The following NEDD4 variants were observed in gnomAD, a reference collection of about 807,000 sequenced individuals.
NEDD4 encodes the protein E3 ubiquitin-protein ligase NEDD4.
In NEDD4, 99 loss-of-function variants were observed where a neutral mutation model predicts 144.9. That is an observed-to-expected ratio of 0.68 (90% CI 0.58 to 0.81). The LOEUF is 0.81. Ranked by LOEUF, NEDD4 falls within the 30% of genes least tolerant of loss-of-function variation. NEDD4 has a pLI of 0.00. For synonymous variants in NEDD4, 318 were observed against 350.6 expected (o/e 0.91, Z 1.04); for missense variants, 985 against 1,065.9 (o/e 0.92, Z 1.06).
chr15:55,928,858 G>A (rs1321458643), intron 4 of NEDD4, among the ~76,000 whole-genome samples: 1 of 152,072 alleles, frequency 6.6e-6, no homozygotes, highest in Non-Finnish European at 1.5e-5. Flanking sequence ...TTGTATTTCA[G>A]AAGCATATAA....
chr15:55,862,072 A>G (rs1489095175), intron 9 of NEDD4, among the ~76,000 whole-genome samples: 1 of 152,206 alleles, frequency 6.6e-6, no homozygotes, highest in African/African-American at 2.4e-5. Context: ...TCAGCTTTGC[A>G]GTCTGTACGT....
intron 8 of NEDD4, among the ~76,000 whole-genome samples, chr15:55,864,264 G>A (rs2034508381): frequency 6.6e-6 from 1 of 152,072 alleles, no homozygotes; most frequent in Non-Finnish European, 1.5e-5. Flanking sequence ...CACAAAAGAA[G>A]ACCTAAATAA....
intron 1 of NEDD4, among the ~76,000 whole-genome samples, chr15:55,970,408 C>G (rs1411566174): frequency 8.5e-5 from 13 of 152,144 alleles, no homozygotes; most frequent in African/African-American, 3.1e-4. Context: ...GCCATTGGGT[C>G]TTAAATAAAC....
Position 55,964,352 on chromosome 15 carries a change from C to T in NEDD4, c.119+2121G>A, listed in dbSNP as rs557459987. On this transcript the variant is annotated intron_variant, in intron 2 of 28. Coordinates refer to ENST00000435532, the MANE Select transcript of NEDD4 (RefSeq NM_006154.4). Reference sequence around the variant, plus strand: ...CTCTCTCATCTCTCTCATCTTCCAACTGCGTAACAATTTCTACTGATCTAT... The same window carrying T: ...CTCTCTCATCTCTCTCATCTTCCAATTGCGTAACAATTTCTACTGATCTAT... Among the ~76,000 whole-genome samples, 23 of 152,228 alleles carry T rather than the reference C, an allele frequency of 1.5e-4. No homozygotes were observed. In the South Asian group the frequency reaches 2.1e-3, roughly 14 times the overall value.
intron 21 of NEDD4, among the ~76,000 whole-genome samples, chr15:55,839,847 G>A (rs1223362102): frequency 6.0e-5 from 9 of 150,216 alleles, no homozygotes; most frequent in South Asian, 2.1e-4. Flanking sequence ...GTGGTGGTGC[G>A]CGCCTGTAGT....
intron 1 of NEDD4, among the ~76,000 whole-genome samples, chr15:55,978,206 G>A (rs1456880509): frequency 2.6e-5 from 4 of 151,804 alleles, no homozygotes; most frequent in African/African-American, 9.7e-5. Flanking sequence ...CAATTCCAGG[G>A]GAATTATAAA....
intron 4 of NEDD4, among the ~76,000 whole-genome samples, chr15:55,928,564 T>C (rs548787273): frequency 3.3e-5 from 5 of 152,310 alleles, no homozygotes; most frequent in African/African-American, 1.2e-4. Flanking sequence ...TCACTACTAA[T>C]TGCTTCTTGC....
intron 18 of NEDD4, among the ~76,000 whole-genome samples, chr15:55,844,200 G>A (rs1316123573): frequency 6.6e-6 from 1 of 152,076 alleles, no homozygotes; most frequent in Non-Finnish European, 1.5e-5. Context: ...GAGAGGAAGG[G>A]AAAGAAGGCA....
In NEDD4 at chr15:55,927,905, C is replaced by T. The variant is rs1330408833; in HGVS notation, c.238-3206G>A. ...GGAAAAACCTCCAAAGTATCAATGT[C>T]TATCAAAATATCTAGCAGACACTGC... On this transcript the variant is annotated intron_variant, in intron 4 of 28. Transcript: ENST00000435532. Among the ~76,000 whole-genome samples the T allele has an allele frequency of 3.3e-5, 5 of 152,180 alleles. No individual in the cohort carries two copies. In the East Asian group the frequency reaches 5.8e-4, roughly 18 times the overall value.
intron 2 of NEDD4, among the ~76,000 whole-genome samples, chr15:55,956,652 C>T (rs2037343100): frequency 6.6e-6 from 1 of 152,168 alleles, no homozygotes; most frequent in South Asian, 2.1e-4. Flanking sequence ...TTACACTCTC[C>T]ATTCCACTGA....
At chr15:55,937,983 A>T (rs542647143) in intron 4 of NEDD4, among the ~76,000 whole-genome samples, 1 of 152,206 alleles carries the variant, frequency 6.6e-6, no homozygotes, top group Admixed American at 6.5e-5. Flanking sequence ...TGAAATAGAT[A>T]GCTCAAAAAT....
At chr15:55,979,824 T>C (rs2037769518) in intron 1 of NEDD4, among the ~76,000 whole-genome samples, 1 of 152,194 alleles carries the variant, frequency 6.6e-6, no homozygotes. Flanking sequence ...TACTATCTTG[T>C]ATCTGAGGCA....
At chr15:55,868,761 T>C (rs1348444437) in intron 8 of NEDD4, among the ~76,000 whole-genome samples, 2 of 152,224 alleles carry the variant, frequency 1.3e-5, no homozygotes, top group Admixed American at 1.3e-4. Flanking sequence ...ATGATACTTC[T>C]TTTTGATGAT....
At chr15:55,916,421 A>G in intron 5 of NEDD4, 18 of 1,614,056 alleles carry the variant, frequency 1.1e-5, no homozygotes, top group Non-Finnish European at 1.4e-5. Flanking sequence ...CAAGGTGACC[A>G]TCATTCACAG....
At chr15:55,992,708 TG>T (rs2038007437) in intron 1 of NEDD4, among the ~76,000 whole-genome samples, 1 of 152,224 alleles carries the variant, frequency 6.6e-6, no homozygotes, top group African/African-American at 2.4e-5. Context: ...CCTTTCCAAA[TG>T]GTCGTACAAT....
intron 1 of NEDD4, among the ~76,000 whole-genome samples, chr15:55,979,336 CCTCT>C (rs1290000602): frequency 2.2e-4 from 17 of 76,358 alleles, no homozygotes; most frequent in East Asian, 1.0e-3. Flanking sequence ...AAAGTTTTTA[CCTCT>C]TTTTTTTTTT....
At chr15:55,933,210 G>A (rs529775208) in intron 4 of NEDD4, among the ~76,000 whole-genome samples, 22 of 152,050 alleles carry the variant, frequency 1.4e-4, no homozygotes, top group African/African-American at 5.3e-4. Flanking sequence ...AAATCATGCT[G>A]CTATAAAGAC....
chr15:55,915,408 T>C (rs755198991), intron 5 of NEDD4: 16 of 1,613,762 alleles, frequency 9.9e-6, no homozygotes, highest in African/African-American at 1.3e-5. Context: ...TTTAGAACAA[T>C]TGTGCTTAAG....
intron 5 of NEDD4, among the ~76,000 whole-genome samples, chr15:55,918,886 T>C (rs1290878888): frequency 1.3e-5 from 2 of 152,182 alleles, no homozygotes; most frequent in African/African-American, 4.8e-5. Context: ...TTCAAATGAC[T>C]TCAGCGTTCT....
Sources: allele counts gnomAD v4.1 joint callset (sites outside exome capture counted in the v4.1 genomes callset), GRCh38; gene constraint gnomAD v4.1.1; transcripts MANE v1.5; gene names NCBI Gene and HGNC (gene_info 2026-07-23, HGNC 2026-07-21).